CRIM1: variants seen among roughly 807,000 people sequenced by gnomAD.
CRIM1 encodes cysteine rich transmembrane BMP regulator 1, also known as cysteine-rich motor neuron 1 protein.
In CRIM1, 32 loss-of-function variants were observed where a neutral mutation model predicts 116.4. The observed-to-expected ratio is 0.27, with a 90% CI of 0.21 to 0.37. CRIM1 has a LOEUF of 0.37. Ranked by LOEUF, CRIM1 falls within the 10% of genes least tolerant of loss-of-function variation. CRIM1 has a pLI of 1.00. For missense variants in CRIM1, 1,331 were observed against 1,354.8 expected, an observed-to-expected ratio of 0.98 and a Z score of 0.28; for synonymous variants, 590 against 509.2, an observed-to-expected ratio of 1.16 and a Z score of -2.13.
chr2:36,496,927 T>C (rs1680641677), intron 7 of CRIM1, among the ~76,000 whole-genome samples: 1 of 152,166 alleles, frequency 6.6e-6, no homozygotes, highest in South Asian at 2.1e-4. Context: ...TACATCACTA[T>C]TGAGAGCAAA....
At chr2:36,361,790 C>T (rs1348177697) in intron 1 of CRIM1, among the ~76,000 whole-genome samples, 1 of 152,090 alleles carries the variant, frequency 6.6e-6, no homozygotes, top group Non-Finnish European at 1.5e-5. Flanking sequence ...TTTAGTGAAG[C>T]GGGTTCCTGT....
At chr2:36,383,495 A>G (rs1670941657) in intron 1 of CRIM1, among the ~76,000 whole-genome samples, 2 of 152,188 alleles carry the variant, frequency 1.3e-5, no homozygotes, top group African/African-American at 4.8e-5. Context: ...CTTTTTTTCC[A>G]TGCAGTATTG....
At position 36,422,524 on chromosome 2, in the gene CRIM1, T is replaced by C. The variant is rs112743248; in HGVS notation, c.506-18734T>C. Among the ~76,000 whole-genome samples the C allele has an allele frequency of 4.8e-4, 73 of 152,320 alleles. 1 individual carries two copies. Among genetic ancestry groups the C allele is most frequent in the Non-Finnish European group, 1.5e-4 (10 of 68,028 alleles). On this transcript the variant is annotated intron_variant, in intron 2 of 16. Transcript: ENST00000280527. ...AGCAGCTGCTGGTGTTTGTAAGAGT[T>C]ATTTCACTACTTATCGCTCTTCAGA...
At chr2:36,459,258 A>C (rs1468876488) in intron 4 of CRIM1, among the ~76,000 whole-genome samples, 4 of 152,144 alleles carry the variant, frequency 2.6e-5, no homozygotes, top group Non-Finnish European at 4.4e-5. Context: ...GCAGAAAAAC[A>C]ATGTTTGAGT....
intron 1 of CRIM1, chr2:36,378,823 T>TTC (rs1670517135): frequency 6.6e-6 from 1 of 152,416 alleles, no homozygotes; most frequent in Non-Finnish European, 1.4e-5. Context: ...TTTTTTTTTT[T>TTC]TTTGAGACGG....
intron 7 of CRIM1, among the ~76,000 whole-genome samples, chr2:36,496,314 T>C (rs1028021400): frequency 2.0e-5 from 3 of 152,190 alleles, no homozygotes; most frequent in Admixed American, 6.5e-5. Context: ...CCCTAATCTA[T>C]TGAGGGGAAA....
chr2:36,473,020 C>T (rs190028696), intron 5 of CRIM1, among the ~76,000 whole-genome samples: 22 of 152,270 alleles, frequency 1.4e-4, no homozygotes, highest in African/African-American at 4.3e-4. Context: ...CACATAAAAT[C>T]ACTGCCTCAT....
Position 36,437,110 on chromosome 2 carries a change from G to A in CRIM1, c.506-4148G>A, listed in dbSNP as rs570690147. ...ACTAGAGGAGGCTGGGCACGGTGGCGCACGCCTGTCATCCCAGCACTTTGG... is the reference window on the plus strand; with the variant it reads ...ACTAGAGGAGGCTGGGCACGGTGGCACACGCCTGTCATCCCAGCACTTTGG... On this transcript the variant is annotated intron_variant, in intron 2 of 16. Coordinates refer to ENST00000280527, the MANE Select transcript of CRIM1 (RefSeq NM_016441.3). 4.2e-4 allele frequency among the ~76,000 whole-genome samples: 64 copies of A among 152,248 alleles called. No homozygotes were observed. In the South Asian group the frequency reaches 0.011, roughly 26 times the overall value.
At chr2:36,442,501 G>T in intron 3 of CRIM1, 114 bp from the exon 4 acceptor site, 1 of 1,271,832 alleles carries the variant, frequency 7.9e-7, no homozygotes, top group South Asian at 1.3e-5. Flanking sequence ...CTAGGACTGG[G>T]TTTGTGGAAG....
chr2:36,447,275 T>G (rs1234306134), intron 4 of CRIM1, among the ~76,000 whole-genome samples: 1 of 152,226 alleles, frequency 6.6e-6, no homozygotes, highest in African/African-American at 2.4e-5. Flanking sequence ...CTCTTTCCAC[T>G]GGAGCTTTTT....
chr2:36,455,159 G>A (rs1677039796), intron 4 of CRIM1, among the ~76,000 whole-genome samples: 1 of 152,098 alleles, frequency 6.6e-6, no homozygotes, highest in South Asian at 2.1e-4. Context: ...TGACTTCAGA[G>A]AGTTCAGAGA....
rs1674228411 is a variant in CRIM1, at chr2:36,423,536, A to T, written c.506-17722A>T. On this transcript the variant is annotated intron_variant, in intron 2 of 16. Transcript: ENST00000280527. Reference sequence around the variant, plus strand: ...AAAGTAAGATGATGGTAATAATTACACAGTAAAAGAGTTCAGGCCTTTTGC... The same window carrying T: ...AAAGTAAGATGATGGTAATAATTACTCAGTAAAAGAGTTCAGGCCTTTTGC... 1.3e-5 allele frequency among the ~76,000 whole-genome samples: 2 copies of T among 152,236 alleles called. 1 individual carries two copies. The highest frequency in any genetic ancestry group is 4.1e-4 in the South Asian group (2 of 4,830).
chr2:36,492,284 A>G (rs1680281912), intron 7 of CRIM1, among the ~76,000 whole-genome samples: 1 of 152,186 alleles, frequency 6.6e-6, no homozygotes, highest in African/African-American at 2.4e-5. Context: ...CAGAAATTAC[A>G]AGGATGTAGG....
At chr2:36,455,922 A>G (rs921598060) in intron 4 of CRIM1, among the ~76,000 whole-genome samples, 2 of 152,116 alleles carry the variant, frequency 1.3e-5, no homozygotes, top group African/African-American at 2.4e-5. Flanking sequence ...ATGAGAGACA[A>G]TACGGTCTTT....
intron 10 of CRIM1, among the ~76,000 whole-genome samples, chr2:36,512,945 C>A (rs1377354926): frequency 6.6e-6 from 1 of 152,138 alleles, no homozygotes; most frequent in African/African-American, 2.4e-5. Context: ...GAGCATGCAC[C>A]CTGACCGCCG....
chr2:36,483,756 G>A (rs958809444), intron 7 of CRIM1, among the ~76,000 whole-genome samples: 12 of 152,206 alleles, frequency 7.9e-5, no homozygotes, highest in African/African-American at 2.9e-4. Flanking sequence ...GGACAGTGAG[G>A]AGGAAAGAAA....
At chr2:36,481,201 C>G (rs980581148) in intron 7 of CRIM1, among the ~76,000 whole-genome samples, 12 of 152,186 alleles carry the variant, frequency 7.9e-5, no homozygotes, top group Non-Finnish European at 1.5e-5. Flanking sequence ...GAAAGGAAGG[C>G]TGATCCTTTT....
rs75125711 is a variant in CRIM1 at position 36,365,295 on chromosome 2, T to C, written c.331+8672T>C. The stretch of plus-strand genomic sequence containing the variant: ...TTTAAAAATGGCCTTTTAATATTAA[T>C]GGCATATGGTTTTATGACAGTGAAT... On this transcript the variant is annotated intron_variant, in intron 1 of 16. Transcript: ENST00000280527. Among the ~76,000 whole-genome samples the C allele has an allele frequency of 4.3e-3, 653 of 152,360 alleles. 7 individuals are homozygous for C. Among genetic ancestry groups the C allele is most frequent in the African/African-American group, 0.015 (616 of 41,582 alleles).
chr2:36,528,071 A>G (rs1665873117), intron 13 of CRIM1, among the ~76,000 whole-genome samples: 1 of 152,210 alleles, frequency 6.6e-6, no homozygotes, highest in Non-Finnish European at 1.5e-5. Context: ...CATAATGTAC[A>G]TATGCAAAAA....
Sources: gnomAD v4.1 joint callset for allele counts (sites outside exome capture counted in the v4.1 genomes callset) on GRCh38, gnomAD v4.1.1 for gene constraint, MANE v1.5 for transcripts, NCBI Gene and HGNC (gene_info 2026-07-23, HGNC 2026-07-21) for gene names.